Variants in RANBP2 observed in about 807,000 individuals in gnomAD.
RANBP2 encodes the protein RAN binding protein 2, also known as E3 SUMO-protein ligase RanBP2.
RANBP2 carries 57 observed loss-of-function variants against 303.6 expected under a neutral mutation model. That is an observed-to-expected ratio of 0.19 (90% confidence interval 0.15 to 0.23). The LOEUF (loss-of-function observed/expected upper bound fraction) is 0.23. Ranked by LOEUF, RANBP2 falls within the 10% of genes least tolerant of loss-of-function variation. The pLI, the probability that RANBP2 is intolerant of heterozygous loss-of-function variation, is 1.00. For synonymous variants in RANBP2, 1,167 were observed against 1,301.5 expected, an observed-to-expected ratio of 0.90 and a Z score of 2.23; for missense variants, 3,138 against 3,780.8, an observed-to-expected ratio of 0.83 and a Z score of 4.46.
chr2:109,683,039 TC>T, the RANBP2 span, among the ~76,000 whole-genome samples: 19 of 152,320 alleles, frequency 1.2e-4, no homozygotes, highest in East Asian at 2.5e-3. Context: ...GGAGTCTTGC[TC>T]TGTTGCCCAG....
At chr2:109,616,346 A>C in the RANBP2 span, 1 of 271,896 alleles carries the variant, frequency 3.7e-6, no homozygotes, top group Non-Finnish European at 7.2e-6. Context: ...AATTGGGGGA[A>C]CAGAATGAAT....
chr2:109,495,636 C>G, the RANBP2 span, among the ~76,000 whole-genome samples: 2 of 151,874 alleles, frequency 1.3e-5, no homozygotes, highest in Non-Finnish European at 2.9e-5. Context: ...TGATTACAGG[C>G]GTCCACTGAC....
chr2:109,459,446 A>T, the RANBP2 span, among the ~76,000 whole-genome samples: 3 of 152,042 alleles, frequency 2.0e-5, no homozygotes, highest in Non-Finnish European at 2.9e-5. Flanking sequence ...TCCTGAAGGG[A>T]CTGGGCCATT....
At chr2:109,346,939 A>G in the RANBP2 span, among the ~76,000 whole-genome samples, 4 of 152,146 alleles carry the variant, frequency 2.6e-5, no homozygotes, top group Admixed American at 6.5e-5. Context: ...GGGGTCTGTG[A>G]TGGCCGGGGA....
the RANBP2 span, chr2:109,545,281 A>C: frequency 7.0e-7 from 1 of 1,418,942 alleles, no homozygotes; most frequent in Non-Finnish European, 9.2e-7. Context: ...AGGGATACTT[A>C]AGTGGGAGAA....
chr2:109,490,925 G>A, the RANBP2 span: 2 of 1,498,990 alleles, frequency 1.3e-6, no homozygotes, highest in Non-Finnish European at 1.8e-6. Flanking sequence ...CCAAGCTGTT[G>A]CCCAGAGAGA....
rs1327625380 is a variant in RANBP2 at position 108,755,035 on chromosome 2, C to T, written c.2333C>T (p.Ser778Phe). The change falls in exon 16 of 29, where the codon TCT (serine) becomes TTT (phenylalanine). Residue 778 changes from serine (S) to phenylalanine (F), a missense_variant. Ser to Phe is a radical substitution (Grantham distance 155). Transcript: ENST00000283195. ...AATGCAGATTCAGAAATAAAACATT[C>T]TACACCGTCTCCTACCAGATATTCA... ...LRNADSEIKHSTPSPTRYSLS... is the reference protein window; with the variant it reads ...LRNADSEIKHFTPSPTRYSLS... The T allele has an allele frequency of 6.2e-7, 1 of 1,611,880 alleles. No individual in the cohort carries two copies. Among genetic ancestry groups the T allele is most frequent in the South Asian group, 1.1e-5 (1 of 90,988 alleles).
chr2:108,786,910 G>T, downstream of RANBP2: 1 of 1,534,672 alleles, frequency 6.5e-7, no homozygotes, highest in Non-Finnish European at 8.8e-7. Flanking sequence ...CAGCTGCCCC[G>T]ACGAGGTGAA....
At chr2:109,556,273 G>A in the RANBP2 span, among the ~76,000 whole-genome samples, 1 of 152,114 alleles carries the variant, frequency 6.6e-6, no homozygotes, top group African/African-American at 2.4e-5. Flanking sequence ...ATATCCCAAA[G>A]GTTTGACAGA....
the RANBP2 span, among the ~76,000 whole-genome samples, chr2:109,042,926 T>C: frequency 6.6e-6 from 1 of 152,246 alleles, no homozygotes; most frequent in African/African-American, 2.4e-5. Flanking sequence ...AAAATAGTAG[T>C]TTCTATGCAA....
At chr2:109,023,977 G>A in the RANBP2 span, among the ~76,000 whole-genome samples, 3 of 152,100 alleles carry the variant, frequency 2.0e-5, no homozygotes, top group Non-Finnish European at 4.4e-5. Context: ...TCAGGCTGGA[G>A]TGCAATGGCA....
the RANBP2 span, among the ~76,000 whole-genome samples, chr2:109,054,530 T>C: frequency 1.3e-5 from 2 of 151,666 alleles, no homozygotes. Flanking sequence ...CATGGTGAAA[T>C]CCCTTCTAAA....
At chr2:109,596,105 C>T in the RANBP2 span, among the ~76,000 whole-genome samples, 15 of 152,106 alleles carry the variant, frequency 9.9e-5, no homozygotes, top group Admixed American at 5.2e-4. Flanking sequence ...GATCACAGCT[C>T]GCTGCAGCCT....
the RANBP2 span, among the ~76,000 whole-genome samples, chr2:109,045,536 C>A: frequency 6.6e-6 from 1 of 152,046 alleles, no homozygotes; most frequent in African/African-American, 2.4e-5. Context: ...AAGGAGCTAA[C>A]AACGATCTGA....
the RANBP2 span, among the ~76,000 whole-genome samples, chr2:109,701,010 T>A: frequency 6.6e-6 from 1 of 152,152 alleles, no homozygotes; most frequent in Non-Finnish European, 1.5e-5. Context: ...TCACAGCCTC[T>A]TGTGGCTGAG....
the RANBP2 span, among the ~76,000 whole-genome samples, chr2:109,286,861 A>G: frequency 1.8e-4 from 28 of 152,070 alleles, no homozygotes; most frequent in African/African-American, 6.8e-4. Context: ...CTCCAACTCT[A>G]AATTCGTTGA....
the RANBP2 span, among the ~76,000 whole-genome samples, chr2:108,863,631 A>AT: frequency 7.9e-5 from 12 of 152,212 alleles, no homozygotes; most frequent in African/African-American, 2.9e-4. Flanking sequence ...GAGCTTTTAA[A>AT]TATATTTCTA....
chr2:109,248,329 A>T, the RANBP2 span, among the ~76,000 whole-genome samples: 1 of 152,130 alleles, frequency 6.6e-6, no homozygotes, highest in Non-Finnish European at 1.5e-5. Context: ...CCTTGAAGCC[A>T]TACAGATATT....
chr2:108,752,693 T>C (rs1246250204), intron 12 of RANBP2, among the ~76,000 whole-genome samples: 1 of 150,190 alleles, frequency 6.7e-6, no homozygotes, highest in East Asian at 2.0e-4. Context: ...CTTGGGAGGC[T>C]GAGGCAAGAG....
Sources: allele counts gnomAD v4.1 joint callset (sites outside exome capture counted in the v4.1 genomes callset), GRCh38; gene constraint gnomAD v4.1.1; transcripts MANE v1.5; gene names NCBI Gene and HGNC (gene_info 2026-07-23, HGNC 2026-07-21).